NALF1: variants seen among roughly 807,000 people sequenced by gnomAD.
NALF1 encodes family with sequence similarity 155 member A.
Under a neutral mutation model 48.4 loss-of-function variants are expected in NALF1, and 3 were observed. That is an observed-to-expected ratio of 0.06 (90% confidence interval 0.03 to 0.16). The LOEUF is 0.16. Ranked by LOEUF, NALF1 falls within the 10% of genes least tolerant of loss-of-function variation. The pLI is 1.00. For missense variants in NALF1, 526 were observed against 571.5 expected (o/e 0.92, Z 0.81); for synonymous variants, 262 against 245.7 (o/e 1.07, Z -0.62).
At chr13:107,651,655 C>A (rs1391332505) in intron 1 of NALF1, among the ~76,000 whole-genome samples, 2 of 152,186 alleles carry the variant, frequency 1.3e-5, no homozygotes, top group Non-Finnish European at 2.9e-5. Context: ...CTCTTCTCAG[C>A]AAATAAAACT....
chr13:107,729,677 C>A (rs1163562650), intron 1 of NALF1, among the ~76,000 whole-genome samples: 1 of 152,084 alleles, frequency 6.6e-6, no homozygotes, highest in Non-Finnish European at 1.5e-5. Context: ...CGGGGTTTCA[C>A]CATGTTGGTC....
intron 1 of NALF1, among the ~76,000 whole-genome samples, chr13:107,680,684 ATGTG>A (rs746894502): frequency 4.0e-5 from 6 of 151,696 alleles, no homozygotes; most frequent in South Asian, 2.1e-4. Context: ...AAATGTAAGA[ATGTG>A]TGTGTGTGTC....
intron 1 of NALF1, among the ~76,000 whole-genome samples, chr13:107,340,493 C>CT (rs1882656841): frequency 7.0e-6 from 1 of 141,876 alleles, no homozygotes; most frequent in African/African-American, 2.7e-5. Flanking sequence ...TTCTTTTTGT[C>CT]TTTCTTTCTT....
At chr13:107,219,602 G>A (rs78330470) in intron 1 of NALF1, among the ~76,000 whole-genome samples, 1 of 152,166 alleles carries the variant, frequency 6.6e-6, no homozygotes, top group African/African-American at 2.4e-5. Context: ...ACTCATATAA[G>A]ATTTCATGGA....
chr13:107,717,129 T>C (rs1349547623), intron 1 of NALF1, among the ~76,000 whole-genome samples: 1 of 152,198 alleles, frequency 6.6e-6, no homozygotes, highest in Non-Finnish European at 1.5e-5. Context: ...CTAGGTGCTT[T>C]ATGTTGTGCC....
rs1033737206 is a variant in NALF1, at chr13:107,362,103, T to C, written c.916-151348A>G. Among the ~76,000 whole-genome samples, 1 of 152,166 alleles carries C rather than the reference T, an allele frequency of 6.6e-6. No homozygotes were observed. The highest frequency in any genetic ancestry group is 1.5e-5 in the Non-Finnish European group (1 of 68,030). On this transcript the variant is annotated intron_variant, in intron 1 of 2. Coordinates refer to ENST00000375915, the MANE Select transcript of NALF1 (RefSeq NM_001080396.3). This position sits in a 1 kb window ranked among gnomAD's most constrained non-coding sequence, Gnocchi z 4.6. ...AGGTAGAGATGGGGGAATTCAACTC[T>C]TATTTTCTTAAGCTACTGAAATTTG...
intron 1 of NALF1, among the ~76,000 whole-genome samples, chr13:107,604,961 G>A (rs1264614504): frequency 6.6e-6 from 1 of 152,108 alleles, no homozygotes; most frequent in Non-Finnish European, 1.5e-5. Context: ...TGTTTTACAT[G>A]CATCTTCTCA....
intron 1 of NALF1, among the ~76,000 whole-genome samples, chr13:107,269,778 A>G (rs1881117159): frequency 6.6e-6 from 1 of 151,694 alleles, no homozygotes; most frequent in Non-Finnish European, 1.5e-5. Context: ...GTTACAAGCA[A>G]TTCTGTTTTA....
At chr13:107,224,110 A>G (rs111466344) in intron 1 of NALF1, among the ~76,000 whole-genome samples, 94 of 152,218 alleles carry the variant, frequency 6.2e-4, no homozygotes, top group African/African-American at 2.2e-3. Flanking sequence ...GGAATTAACA[A>G]TCCTTAATAA....
chr13:107,295,774 T>C (rs2224904), intron 1 of NALF1, among the ~76,000 whole-genome samples: 39,448 of 152,096 alleles, frequency 0.26, 6,028 homozygotes, highest in African/African-American at 0.42. Flanking sequence ...TCAAATGTTA[T>C]TTTATTTTAA....
intron 1 of NALF1, among the ~76,000 whole-genome samples, chr13:107,358,597 T>C (rs1003018809): frequency 6.6e-6 from 1 of 152,146 alleles, no homozygotes; most frequent in Non-Finnish European, 1.5e-5. Context: ...CTGGGAAGCA[T>C]GTTTTTTAAA....
chr13:107,305,810 A>C (rs1881925912), intron 1 of NALF1, among the ~76,000 whole-genome samples: 1 of 152,238 alleles, frequency 6.6e-6, no homozygotes, highest in Admixed American at 6.5e-5. Flanking sequence ...AAATAATCAA[A>C]GGTAGAAACA....
chr13:107,195,703 A>G (rs1879375079), intron 2 of NALF1, among the ~76,000 whole-genome samples: 1 of 152,224 alleles, frequency 6.6e-6, no homozygotes, highest in Admixed American at 6.5e-5. Context: ...AACTAATACA[A>G]TCGGTTCTTA....
At chr13:107,345,933 G>A (rs770392057) in intron 1 of NALF1, among the ~76,000 whole-genome samples, 1 of 151,930 alleles carries the variant, frequency 6.6e-6, no homozygotes, top group Admixed American at 6.6e-5. Flanking sequence ...TCAACCCAAG[G>A]AACATATAAA....
intron 2 of NALF1, among the ~76,000 whole-genome samples, chr13:107,175,214 A>C (rs1300737908): frequency 6.7e-6 from 1 of 149,424 alleles, no homozygotes; most frequent in Admixed American, 6.7e-5. Flanking sequence ...CATCTCAAAA[A>C]GAAAAAGTTC....
intron 1 of NALF1, among the ~76,000 whole-genome samples, chr13:107,566,697 C>A (rs1453618409): frequency 6.6e-6 from 1 of 152,298 alleles, no homozygotes; most frequent in Non-Finnish European, 1.5e-5. Flanking sequence ...TCCAGGGATG[C>A]TTTTAATCCT....
intron 1 of NALF1, among the ~76,000 whole-genome samples, chr13:107,811,010 CTAATA>C (rs916431171): frequency 6.6e-6 from 1 of 152,012 alleles, no homozygotes; most frequent in Non-Finnish European, 1.5e-5. Flanking sequence ...TATTATGTAT[CTAATA>C]TATCAATAAC....
At chr13:107,543,668 T>C (rs1877054344) in intron 1 of NALF1, among the ~76,000 whole-genome samples, 1 of 152,106 alleles carries the variant, frequency 6.6e-6, no homozygotes, top group Non-Finnish European at 1.5e-5. Context: ...CATATAGATG[T>C]GTGGGTATAT....
At chr13:107,561,756 C>G (rs1877653591) in intron 1 of NALF1, among the ~76,000 whole-genome samples, 1 of 152,240 alleles carries the variant, frequency 6.6e-6, no homozygotes, top group African/African-American at 2.4e-5. Flanking sequence ...ATCTTCCCCA[C>G]TTCCTGTGAA....
Sources: gnomAD v4.1 joint callset for allele counts (sites outside exome capture counted in the v4.1 genomes callset) on GRCh38, gnomAD v4.1.1 for gene constraint, Gnocchi (gnomAD v3.1) non-coding constraint, MANE v1.5 for transcripts, NCBI Gene and HGNC (gene_info 2026-07-23, HGNC 2026-07-21) for gene names.